ALLC: variants seen among roughly 807,000 people sequenced by gnomAD.
ALLC encodes the protein allantoicase.
In ALLC, 40 loss-of-function variants were observed where a neutral mutation model predicts 45.0. The observed-to-expected ratio is 0.89, with a 90% CI of 0.69 to 1.16. The LOEUF (loss-of-function observed/expected upper bound fraction) is 1.16, where lower values mean the gene tolerates loss of function less well. Ranked by LOEUF, ALLC falls within the 50% of genes most tolerant of loss-of-function variation. The pLI, the probability that ALLC is intolerant of heterozygous loss-of-function variation, is 0.00. For missense variants in ALLC, 488 were observed against 493.1 expected (o/e 0.99, Z 0.10); for synonymous variants, 176 against 178.1 (o/e 0.99, Z 0.09).
At position 3,686,880 on chromosome 2, in the gene ALLC, A is replaced by G. The variant is rs1432156883; in HGVS notation, c.511+3806A>G. On this transcript the variant is annotated intron_variant, in intron 7 of 11. Coordinates refer to ENST00000252505, the MANE Select transcript of ALLC (RefSeq NM_018436.4). Reference sequence around the variant, plus strand: ...TTCTAAGTATAAGATCATATTGTCTATGAAGAAGGAGAACTTCACTTCTTT... The same window carrying G: ...TTCTAAGTATAAGATCATATTGTCTGTGAAGAAGGAGAACTTCACTTCTTT... Among the ~76,000 whole-genome samples, 4 of 151,032 alleles carry G rather than the reference A, an allele frequency of 2.6e-5. 1 individual carries two copies. The highest frequency in any genetic ancestry group is 5.9e-5 in the Non-Finnish European group (4 of 67,578).
intron 1 of ALLC, among the ~76,000 whole-genome samples, chr2:3,662,787 T>G (rs1341418524): frequency 6.6e-6 from 1 of 152,292 alleles, no homozygotes; most frequent in South Asian, 2.1e-4. Context: ...AATCCAAATT[T>G]CAGTGTCCAT....
At chr2:3,656,610 G>T (rs1157975338), upstream of ALLC, among the ~76,000 whole-genome samples, 2 of 152,242 alleles carry the variant, frequency 1.3e-5, no homozygotes, top group Non-Finnish European at 2.9e-5. Flanking sequence ...AGCTGGCAGA[G>T]CCCTGTGCTC....
upstream of ALLC, among the ~76,000 whole-genome samples, chr2:3,654,534 A>G (rs1666400168): frequency 6.6e-6 from 1 of 152,192 alleles, no homozygotes. Context: ...TGCTTTTTCT[A>G]GATGAAAGCT....
At chr2:3,682,602 T>C (rs1030002217) in intron 6 of ALLC, among the ~76,000 whole-genome samples, 1 of 152,234 alleles carries the variant, frequency 6.6e-6, no homozygotes, top group African/African-American at 2.4e-5. Context: ...CTCGGCTCAC[T>C]GCAAGCTCCG....
At chr2:3,666,218 T>G (rs10180438) in intron 1 of ALLC, among the ~76,000 whole-genome samples, 63,639 of 151,788 alleles carry the variant, frequency 0.42, 16,471 homozygotes, top group African/African-American at 0.74. Flanking sequence ...TTACATTAAT[T>G]ACTTAGGCAA....
chr2:3,677,790 C>A (rs1259635869), intron 3 of ALLC, among the ~76,000 whole-genome samples: 1 of 152,234 alleles, frequency 6.6e-6, no homozygotes, highest in Non-Finnish European at 1.5e-5. Context: ...AACGTAAGAT[C>A]CTCCTTGCAC....
At chr2:3,697,667 CTTT>C (rs751257227) in intron 10 of ALLC, among the ~76,000 whole-genome samples, 1 of 148,350 alleles carries the variant, frequency 6.7e-6, no homozygotes, top group South Asian at 2.2e-4. Context: ...ATCTATCTAT[CTTT>C]TATTTATTTT....
At chr2:3,649,750 CAG>C in the ALLC span, among the ~76,000 whole-genome samples, 1 of 152,258 alleles carries the variant, frequency 6.6e-6, no homozygotes, top group Non-Finnish European at 1.5e-5. Context: ...CGCACTCACA[CAG>C]GGACCGGGCA....
At chr2:3,650,613 T>G in the ALLC span, among the ~76,000 whole-genome samples, 5 of 152,206 alleles carry the variant, frequency 3.3e-5, no homozygotes, top group African/African-American at 4.8e-5. Context: ...CAGCAGTGCG[T>G]GCACCTCCCT....
chr2:3,667,019 G>A (rs1300190554), intron 1 of ALLC, among the ~76,000 whole-genome samples: 1 of 152,158 alleles, frequency 6.6e-6, no homozygotes, highest in Non-Finnish European at 1.5e-5. Context: ...ACCTAGGTGT[G>A]GCCACTGGCT....
intron 1 of ALLC, among the ~76,000 whole-genome samples, chr2:3,662,897 T>A (rs1005414275): frequency 2.6e-5 from 4 of 152,160 alleles, no homozygotes; most frequent in African/African-American, 9.7e-5. Flanking sequence ...CTGCAAAGTG[T>A]TTATTACTGG....
intron 4 of ALLC, 50 bp downstream of exon 4, chr2:3,678,605 A>G: frequency 6.7e-7 from 1 of 1,502,298 alleles, no homozygotes; most frequent in Non-Finnish European, 9.2e-7. Context: ...TGCAAAGTTA[A>G]AAACGCAGGC....
chr2:3,679,669 T>C (rs1054429007), intron 4 of ALLC, among the ~76,000 whole-genome samples, 200 bp from the exon 5 acceptor site: 6 of 152,266 alleles, frequency 3.9e-5, no homozygotes, highest in South Asian at 2.1e-4. Flanking sequence ...AGGATTTTCG[T>C]TGGGGAATGG....
chr2:3,654,906 G>A (rs1186116215), upstream of ALLC, among the ~76,000 whole-genome samples: 1 of 152,242 alleles, frequency 6.6e-6, no homozygotes, highest in Non-Finnish European at 1.5e-5. Context: ...TGCATTGGCT[G>A]TGTAATGCGG....
In ALLC at chr2:3,679,891, G is replaced by T; in HGVS notation, c.195G>T (p.Arg65Ser). 1.9e-6 allele frequency: 3 copies of T among 1,613,950 alleles called. No homozygotes were observed. The highest frequency in any genetic ancestry group is 1.7e-6 in the Non-Finnish European group (2 of 1,179,882). The change falls in exon 5 of 12, where the codon AGG (arginine) becomes AGT (serine). Residue 65 changes from arginine to serine, a missense_variant. Arg to Ser is a moderately radical substitution (Grantham distance 110). Transcript: ENST00000252505. ...CAGGTCACGACTGGTGTGTCCTCAG[G>T]CTGGGGATCCAAGGAGTCATCCGGG... ...RIPGHDWCVL[R>S]LGIQGVIRGF...
intron 7 of ALLC, among the ~76,000 whole-genome samples, chr2:3,685,148 C>T (rs1667294595): frequency 6.6e-6 from 1 of 152,134 alleles, no homozygotes; most frequent in African/African-American, 2.4e-5. Flanking sequence ...TCATAGTTTT[C>T]CATAGTGAGT....
chr2:3,678,178 A>G (rs1312643121), intron 3 of ALLC, among the ~76,000 whole-genome samples: 4 of 152,192 alleles, frequency 2.6e-5, no homozygotes, highest in Non-Finnish European at 5.9e-5. Flanking sequence ...TGGGAATTGC[A>G]TTTGTGCGGC....
chr2:3,673,923 G>A (rs1558538104), intron 2 of ALLC, among the ~76,000 whole-genome samples, 152 bp from the exon 3 acceptor site: 1 of 152,198 alleles, frequency 6.6e-6, no homozygotes. Context: ...AGCATTTCAA[G>A]GCATCATGGC....
At chr2:3,679,803 T>G in intron 4 of ALLC, 66 bp from the exon 5 acceptor site, 1 of 1,599,000 alleles carries the variant, frequency 6.3e-7, no homozygotes, top group Non-Finnish European at 8.6e-7. Flanking sequence ...TGGGGTGCAC[T>G]GCCTCGCATG....
Sources: allele counts gnomAD v4.1 joint callset (sites outside exome capture counted in the v4.1 genomes callset), GRCh38; gene constraint gnomAD v4.1.1; transcripts MANE v1.5; gene names NCBI Gene and HGNC (gene_info 2026-07-23, HGNC 2026-07-21).